Variants in RALGPS2 observed in about 807,000 individuals in gnomAD.
RALGPS2 encodes the protein Ral GEF with PH domain and SH3 binding motif 2.
A neutral mutation model predicts 86.8 loss-of-function variants in RALGPS2; 43 were observed. The ratio of observed to expected loss-of-function variants is 0.50; its 90% CI spans 0.39 to 0.64. RALGPS2 has a LOEUF of 0.64. Ranked by LOEUF, RALGPS2 falls within the 30% of genes least tolerant of loss-of-function variation. The pLI is 0.00. For missense variants in RALGPS2, 536 were observed against 694.6 expected, an observed-to-expected ratio of 0.77 and a Z score of 2.57; for synonymous variants, 243 against 231.3, an observed-to-expected ratio of 1.05 and a Z score of -0.46.
chr1:178,863,273 C>G (rs1399734543), intron 8 of RALGPS2, among the ~76,000 whole-genome samples: 1 of 152,008 alleles, frequency 6.6e-6, no homozygotes, highest in Non-Finnish European at 1.5e-5. Flanking sequence ...CAAAGATGAG[C>G]CAAGCTTATT....
At chr1:178,851,326 A>C in intron 8 of RALGPS2, 1 of 1,600,284 alleles carries the variant, frequency 6.2e-7, no homozygotes, top group Non-Finnish European at 8.5e-7. Flanking sequence ...CCTTTGAGGA[A>C]AAAATACAGA....
chr1:178,902,365 AAG>A (rs1572467443), intron 18 of RALGPS2, among the ~76,000 whole-genome samples, 154 bp downstream of exon 18: 1 of 152,118 alleles, frequency 6.6e-6, no homozygotes, highest in Non-Finnish European at 1.5e-5. Flanking sequence ...TGGAATACTC[AAG>A]AGAGAAAGTA....
intron 1 of RALGPS2, among the ~76,000 whole-genome samples, chr1:178,774,846 A>G (rs1652997664): frequency 6.6e-6 from 1 of 152,228 alleles, no homozygotes; most frequent in South Asian, 2.1e-4. Flanking sequence ...GATAAATTCA[A>G]GATGTGACTG....
intron 4 of RALGPS2, among the ~76,000 whole-genome samples, chr1:178,789,726 A>T (rs573029973): frequency 6.6e-6 from 1 of 152,274 alleles, no homozygotes; most frequent in East Asian, 1.9e-4. Flanking sequence ...CAAGAGAGTG[A>T]ATACAGGTAC....
chr1:178,905,831 A>G (rs190321932), intron 18 of RALGPS2, among the ~76,000 whole-genome samples: 21 of 152,358 alleles, frequency 1.4e-4, no homozygotes, highest in Non-Finnish European at 2.9e-4. Context: ...TATAGAAATT[A>G]CAAAATACAC....
chr1:178,865,050 G>T (rs1341635388), intron 8 of RALGPS2: 10 of 1,508,058 alleles, frequency 6.6e-6, no homozygotes, highest in Middle Eastern at 1.8e-4. Context: ...GGATAACCTG[G>T]ATCCCTCTGA....
At chr1:178,789,200 C>T (rs1653835122) in intron 4 of RALGPS2, among the ~76,000 whole-genome samples, 2 of 152,186 alleles carry the variant, frequency 1.3e-5, no homozygotes, top group Non-Finnish European at 2.9e-5. Flanking sequence ...AGCCACTGTG[C>T]CCGGCCTTAA....
chr1:178,901,872 A>C (rs916458878), intron 17 of RALGPS2, among the ~76,000 whole-genome samples: 2 of 152,016 alleles, frequency 1.3e-5, no homozygotes, highest in Non-Finnish European at 2.9e-5. Context: ...TAGATCAGTT[A>C]GGTTTTGATG....
intron 1 of RALGPS2, among the ~76,000 whole-genome samples, chr1:178,769,859 A>G (rs1652701198): frequency 6.6e-6 from 1 of 152,110 alleles, no homozygotes; most frequent in Non-Finnish European, 1.5e-5. Context: ...TGCCCAGGGA[A>G]AAAGTGTCAC....
chr1:178,754,065 G>A lies in RALGPS2; in HGVS notation c.-83-22617G>A, dbSNP rs369239499. Reference sequence around the variant, plus strand: ...TCTTGATATCCTGACCTCGTGATCCGCCCGCCTCGGCCTCCCAAAGTGCTG... The same window carrying A: ...TCTTGATATCCTGACCTCGTGATCCACCCGCCTCGGCCTCCCAAAGTGCTG... On this transcript the variant is annotated intron_variant, in intron 1 of 19. Coordinates refer to ENST00000367635, the MANE Select transcript of RALGPS2 (RefSeq NM_152663.5). Among the ~76,000 whole-genome samples, 557 of 151,696 alleles carry A rather than the reference G, an allele frequency of 3.7e-3. 5 individuals carry two copies. The highest frequency in any genetic ancestry group is 0.012 in the African/African-American group (504 of 41,416).
At chr1:178,807,841 T>G (rs567663556) in intron 4 of RALGPS2, among the ~76,000 whole-genome samples, 1 of 152,300 alleles carries the variant, frequency 6.6e-6, no homozygotes, top group South Asian at 2.1e-4. Flanking sequence ...TGCCTATGTT[T>G]TCATAGTCGT....
At chr1:178,887,935 C>CA (rs1209826874) in intron 13 of RALGPS2, among the ~76,000 whole-genome samples, 2 of 151,986 alleles carry the variant, frequency 1.3e-5, no homozygotes, top group Non-Finnish European at 2.9e-5. Flanking sequence ...CCACTTAAAG[C>CA]AAAAAGTTTT....
chr1:178,793,488 C>T (rs912163404), intron 4 of RALGPS2, among the ~76,000 whole-genome samples: 7 of 151,252 alleles, frequency 4.6e-5, no homozygotes, highest in Non-Finnish European at 5.9e-5. Flanking sequence ...GATCCTCCCA[C>T]CTCAGCCTCC....
chr1:178,902,098 T>TC lies in RALGPS2; in HGVS notation c.1525-7dup. ...TCTGTTTCCGCTAATTATCTTTTTT[T>TC]CTCTCAGTTCAAATCAACATCCAAT... On this transcript the variant is annotated splice_region_variant and splice_polypyrimidine_tract_variant and intron_variant, in intron 17 of 19. Transcript: ENST00000367635. 1 of 1,601,792 alleles carries TC rather than the reference T, an allele frequency of 6.2e-7. No homozygotes were observed. The highest frequency in any genetic ancestry group is 1.1e-5 in the South Asian group (1 of 90,658).
At chr1:178,784,596 A>T (rs1337692353) in intron 3 of RALGPS2, 74 bp downstream of exon 3, 1 of 1,158,122 alleles carries the variant, frequency 8.6e-7, no homozygotes, top group African/African-American at 1.6e-5. Context: ...TAGAATTTGT[A>T]GGTCCAGCAA....
Position 178,883,475 on chromosome 1 carries a change from A to G in RALGPS2, c.846A>G (p.Leu282=), listed in dbSNP as rs1351579470. The change falls in exon 11 of 20, where the codon TTA becomes TTG. Residue 282 remains leucine, a synonymous_variant. Coordinates refer to ENST00000367635, the MANE Select transcript of RALGPS2 (RefSeq NM_152663.5). ...TCTTTTTAAAATTCAGGCTTTCATTAAAGATAGAACCAGGGACAAGCACCC... is the reference window on the plus strand; with the variant it reads ...TCTTTTTAAAATTCAGGCTTTCATTGAAGATAGAACCAGGGACAAGCACCC... ...FVEDDNYKLS[L]KIEPGTSTPR... is the part of the protein sequence containing the mutation. The G allele has an allele frequency of 1.9e-6, 3 of 1,611,278 alleles. No individual in the cohort carries two copies. The highest frequency in any genetic ancestry group is 1.3e-5 in the African/African-American group (1 of 74,854).
At chr1:178,733,047 T>C (rs1177799037) in intron 1 of RALGPS2, among the ~76,000 whole-genome samples, 1 of 152,202 alleles carries the variant, frequency 6.6e-6, no homozygotes, top group Non-Finnish European at 1.5e-5. Flanking sequence ...TTCTTTTTTT[T>C]CCCCCATTAT....
chr1:178,828,871 C>A (rs1192021645), intron 7 of RALGPS2, among the ~76,000 whole-genome samples: 2 of 152,026 alleles, frequency 1.3e-5, no homozygotes, highest in Admixed American at 1.3e-4. Flanking sequence ...GAGATTCCCC[C>A]AAAAATAATA....
Position 178,726,473 on chromosome 1 carries a change from A to C in RALGPS2, c.-84+1054A>C, listed in dbSNP as rs1164824572. 2.0e-5 allele frequency among the ~76,000 whole-genome samples: 3 copies of C among 151,886 alleles called. No homozygotes were observed. In the East Asian group the frequency reaches 5.8e-4, roughly 29 times the overall value. ...TTAATTTGTTTGAGTTGGGAGGGGTAAGGGAGGAGGAAGAAAGGGCACTGA... is the reference window on the plus strand; with the variant it reads ...TTAATTTGTTTGAGTTGGGAGGGGTCAGGGAGGAGGAAGAAAGGGCACTGA... On this transcript the variant is annotated intron_variant, in intron 1 of 19. Transcript: ENST00000367635.
Sources: allele counts gnomAD v4.1 joint callset (sites outside exome capture counted in the v4.1 genomes callset), GRCh38; gene constraint gnomAD v4.1.1; transcripts MANE v1.5; gene names NCBI Gene and HGNC (gene_info 2026-07-23, HGNC 2026-07-21).